Variants in ATP2C2 observed in about 807,000 individuals in gnomAD.
ATP2C2 encodes the protein calcium-transporting ATPase type 2C member 2.
A neutral mutation model predicts 110.8 loss-of-function variants in ATP2C2; 171 were observed. That is an observed-to-expected ratio of 1.54 (90% CI 1.36 to 1.75). ATP2C2 has a LOEUF of 1.75. Ranked by LOEUF, ATP2C2 falls within the 40% of genes most tolerant of loss-of-function variation. ATP2C2 has a pLI of 0.00. For missense variants in ATP2C2, 1,963 were observed against 1,235.0 expected (o/e 1.59, Z -8.84); for synonymous variants, 804 against 508.4 (o/e 1.58, Z -7.82).
intron 3 of ATP2C2, among the ~76,000 whole-genome samples, chr16:84,408,090 T>C (rs1027371402): frequency 1.3e-5 from 2 of 152,204 alleles, no homozygotes; most frequent in Non-Finnish European, 2.9e-5. Context: ...GAGCCAGGAC[T>C]GGCATCTTGC....
At position 84,426,373 on chromosome 16, in the gene ATP2C2, C is replaced by A. The variant is rs558365814; in HGVS notation, c.986+572C>A. On this transcript the variant is annotated intron_variant, in intron 11 of 26. Transcript: ENST00000262429. ...ACCCCATCGTCCAATCTCCTCCCAC[C>A]TCCAACACTGGGGCTTATGTTTCAA... Among the ~76,000 whole-genome samples, 23 of 152,294 alleles carry A rather than the reference C, an allele frequency of 1.5e-4. No homozygotes were observed. The South Asian group carries it at 4.6e-3, about 30-fold the overall frequency.
intron 10 of ATP2C2, among the ~76,000 whole-genome samples, chr16:84,424,266 A>G (rs371421879): frequency 6.6e-6 from 1 of 152,138 alleles, no homozygotes; most frequent in Non-Finnish European, 1.5e-5. Context: ...AAGACCCATG[A>G]TATCATTCAG....
intron 24 of ATP2C2, chr16:84,461,096 C>T (rs1911284200): frequency 9.9e-6 from 4 of 403,146 alleles, no homozygotes; most frequent in African/African-American, 2.0e-5. Context: ...CCCCCTGTTC[C>T]CTTGTCACCA....
At chr16:84,439,868 C>T (rs1411655339) in intron 13 of ATP2C2, among the ~76,000 whole-genome samples, 2 of 152,180 alleles carry the variant, frequency 1.3e-5, no homozygotes, top group African/African-American at 2.4e-5. Flanking sequence ...CAGAGTCTTG[C>T]TCCGTCACCC....
chr16:84,391,625 G>A (rs563196069), intron 1 of ATP2C2, among the ~76,000 whole-genome samples: 21 of 152,156 alleles, frequency 1.4e-4, no homozygotes, highest in Non-Finnish European at 1.6e-4. Flanking sequence ...CCAAGAACGC[G>A]GAAGATTGTC....
intron 24 of ATP2C2, 97 bp downstream of exon 24, chr16:84,460,898 G>A (rs1911260015): frequency 1.4e-6 from 2 of 1,455,398 alleles, no homozygotes; most frequent in Non-Finnish European, 1.9e-6. Context: ...TCACATCTGG[G>A]AGAGGCAAAC....
Position 84,440,972 on chromosome 16 carries a change from G to T in ATP2C2, c.1311+14G>T. The T allele has an allele frequency of 6.3e-7, 1 of 1,592,992 alleles. No homozygotes were observed. The highest frequency in any genetic ancestry group is 1.7e-5 in the Admixed American group (1 of 58,902). Reference sequence around the variant, plus strand: ...AAGTTAGTGGAGGTAGGTGTCAAAAGCGCCATGAGGGAAATAGGCATTTAC... The same window carrying T: ...AAGTTAGTGGAGGTAGGTGTCAAAATCGCCATGAGGGAAATAGGCATTTAC... On this transcript the variant is annotated intron_variant, in intron 14 of 26. Coordinates refer to ENST00000262429, the MANE Select transcript of ATP2C2 (RefSeq NM_014861.4).
chr16:84,446,556 A>G, intron 16 of ATP2C2, 126 bp downstream of exon 16: 1 of 570,798 alleles, frequency 1.8e-6, no homozygotes, highest in South Asian at 3.7e-5. Flanking sequence ...TTCCAAATAC[A>G]TGGAAAAACT....
rs376006699 is a variant in ATP2C2 at position 84,461,748 on chromosome 16, C to T, written c.2516C>T (p.Thr839Met). ...GACAGAGCAAGCACTCCCCGCACCA[C>T]GACGATGACGTTCACTTGTTTTGTG... ...PEDRASTPRT[T>M]TMTFTCFVFF... The change falls in exon 25 of 27, where the codon ACG becomes ATG. Residue 839 changes from threonine to methionine, a missense_variant. Coordinates refer to ENST00000262429, the MANE Select transcript of ATP2C2 (RefSeq NM_014861.4). The T allele has an allele frequency of 2.2e-5, 35 of 1,614,092 alleles. No individual in the cohort carries two copies. The highest frequency in any genetic ancestry group is 1.0e-4 in the Admixed American group (6 of 60,004).
At chr16:84,448,744 T>C in intron 17 of ATP2C2, 55 bp downstream of exon 17, 2 of 1,556,962 alleles carry the variant, frequency 1.3e-6, no homozygotes, top group South Asian at 1.2e-5. Flanking sequence ...ACATTGACTT[T>C]TAAGTGCATT....
In ATP2C2 at chr16:84,460,820, G is replaced by A. The variant is rs375035649; in HGVS notation, c.2481+19G>A. On this transcript the variant is annotated intron_variant, in intron 24 of 26. Coordinates refer to ENST00000262429, the MANE Select transcript of ATP2C2 (RefSeq NM_014861.4). ...GAAGGAGGTGAGCGAGGGTCACCCC[G>A]GCCTGTTCTCCAAGCCCTGGTGCGG... The A allele has an allele frequency of 7.5e-5, 120 of 1,599,828 alleles. No homozygotes were observed. The highest frequency in any genetic ancestry group is 3.3e-4 in the Middle Eastern group (2 of 6,006).
intron 7 of ATP2C2, among the ~76,000 whole-genome samples, chr16:84,421,353 C>T (rs1207031490): frequency 3.3e-5 from 5 of 152,194 alleles, no homozygotes; most frequent in Middle Eastern, 3.2e-3. Context: ...CGGCCACTGT[C>T]GTTCTTGGGG....
At chr16:84,444,813 G>T (rs1909596391) in intron 15 of ATP2C2, among the ~76,000 whole-genome samples, 1 of 152,350 alleles carries the variant, frequency 6.6e-6, no homozygotes, top group South Asian at 2.1e-4. Context: ...AACAAACACT[G>T]GCTGGCATGT....
intron 11 of ATP2C2, chr16:84,438,904 G>C (rs1004764860): frequency 2.8e-6 from 1 of 362,604 alleles, no homozygotes; most frequent in East Asian, 4.7e-5. Context: ...AGGCAAAACA[G>C]CTGACAGACT....
Position 84,446,309 on chromosome 16 carries a change from G to A in ATP2C2, c.1402-20G>A. 6.8e-7 allele frequency: 1 copy of A among 1,477,254 alleles called. No individual in the cohort carries two copies. The highest frequency in any genetic ancestry group is 2.3e-5 in the East Asian group (1 of 43,242). The allele number at this position is 1,477,254 out of a possible 1,614,324, so 91.5% of individuals were successfully genotyped here. ...TGGCTTCGGATGACTCACTAAAAAT[G>A]TGTCATTTTATTATGCTAGATGGAC... is the stretch of plus-strand genomic sequence containing the variant. On this transcript the variant is annotated intron_variant, in intron 15 of 26. Coordinates refer to ENST00000262429, the MANE Select transcript of ATP2C2 (RefSeq NM_014861.4).
At chr16:84,421,395 A>G (rs1907325382) in intron 7 of ATP2C2, among the ~76,000 whole-genome samples, 1 of 152,194 alleles carries the variant, frequency 6.6e-6, no homozygotes. Context: ...ACATATTTTT[A>G]AAAGATGACT....
intron 17 of ATP2C2, 126 bp downstream of exon 17, chr16:84,448,815 G>T: frequency 7.8e-7 from 1 of 1,285,878 alleles, no homozygotes; most frequent in Non-Finnish European, 1.1e-6. Context: ...CATGCTGACG[G>T]CAATAATGTG....
intron 21 of ATP2C2, 28 bp from the exon 22 acceptor site, chr16:84,459,092 G>C: frequency 6.2e-7 from 1 of 1,613,612 alleles, no homozygotes; most frequent in East Asian, 2.2e-5. Context: ...GGCCCGCTCC[G>C]TGAGTAAATG....
chr16:84,397,005 T>C (rs1474824389), intron 1 of ATP2C2, among the ~76,000 whole-genome samples: 1 of 151,838 alleles, frequency 6.6e-6, no homozygotes, highest in African/African-American at 2.4e-5. Flanking sequence ...GCAATCTCTA[T>C]TACAGCTAAA....
Sources: gnomAD v4.1 joint callset for allele counts (sites outside exome capture counted in the v4.1 genomes callset) on GRCh38, gnomAD v4.1.1 for gene constraint, MANE v1.5 for transcripts, NCBI Gene and HGNC (gene_info 2026-07-23, HGNC 2026-07-21) for gene names.